The following DLG2 variants were observed in gnomAD, a reference collection of about 807,000 sequenced individuals.
DLG2 encodes the protein disks large homolog 2.
DLG2 carries 45 observed loss-of-function variants against 132.5 expected under a neutral mutation model. The observed-to-expected ratio is 0.34, with a 90% CI of 0.27 to 0.44. The LOEUF (loss-of-function observed/expected upper bound fraction) is 0.44. Among genes scored for constraint, DLG2 ranks in the 20% least tolerant of loss-of-function variants. The pLI is 1.00. For missense variants in DLG2, 1,045 were observed against 1,196.9 expected, an observed-to-expected ratio of 0.87 and a Z score of 1.87; for synonymous variants, 424 against 419.6, an observed-to-expected ratio of 1.01 and a Z score of -0.13.
rs10599798 is a variant in DLG2, at chr11:84,782,438, CCACACACACACACA to C, written c.358-247721_358-247708del. Among the ~76,000 whole-genome samples the C allele has an allele frequency of 2.3e-3, 337 of 148,044 alleles. 2 individuals are homozygous for C. Among genetic ancestry groups the C allele is most frequent in the Admixed American group, 0.021 (311 of 14,734 alleles). On this transcript the variant is annotated intron_variant, in intron 6 of 27. Transcript: ENST00000376104. ...TTCTCTTTCCCACTAACTACCCCTA[CCACACACACACACA>C]CACACACACACACATTAAAATGAGT...
intron 9 of DLG2, among the ~76,000 whole-genome samples, chr11:84,130,523 C>CGT (rs1566632971): frequency 2.9e-5 from 4 of 136,428 alleles, no homozygotes; most frequent in African/African-American, 1.2e-4. Flanking sequence ...CACACACACA[C>CGT]ATATATGTGT....
chr11:85,607,791 G>C (rs1591265745), intron 2 of DLG2, among the ~76,000 whole-genome samples: 1 of 152,166 alleles, frequency 6.6e-6, no homozygotes, highest in Admixed American at 6.5e-5. Context: ...TCATATAAGT[G>C]AAGATAAAAG....
chr11:85,118,070 G>A (rs1395041273), intron 5 of DLG2, among the ~76,000 whole-genome samples: 2 of 151,986 alleles, frequency 1.3e-5, no homozygotes, highest in Non-Finnish European at 1.5e-5. Context: ...TCAACTTTGG[G>A]CATATTCCTC....
chr11:83,582,370 T>C (rs2096995474), intron 19 of DLG2, among the ~76,000 whole-genome samples: 1 of 152,186 alleles, frequency 6.6e-6, no homozygotes, highest in African/African-American at 2.4e-5. Flanking sequence ...ACTCTAGACT[T>C]TTCCAATTCA....
At chr11:85,184,325 T>C (rs1458601362) in intron 4 of DLG2, among the ~76,000 whole-genome samples, 1 of 151,728 alleles carries the variant, frequency 6.6e-6, no homozygotes, top group Non-Finnish European at 1.5e-5. Flanking sequence ...ACAAGGGGAT[T>C]TTTTTTTATA....
intron 6 of DLG2, among the ~76,000 whole-genome samples, chr11:84,996,052 T>A (rs1421512245): frequency 6.6e-6 from 1 of 152,152 alleles, no homozygotes; most frequent in Non-Finnish European, 1.5e-5. Flanking sequence ...TGTTCCTTTG[T>A]GGACAATTTT....
chr11:84,811,258 G>T (rs1440795726), intron 6 of DLG2, among the ~76,000 whole-genome samples: 1 of 152,068 alleles, frequency 6.6e-6, no homozygotes, highest in East Asian at 1.9e-4. Flanking sequence ...GGTATATAAG[G>T]TATGCATGTG....
At chr11:84,332,130 C>G (rs1451323177) in intron 7 of DLG2, among the ~76,000 whole-genome samples, 1 of 151,922 alleles carries the variant, frequency 6.6e-6, no homozygotes, top group Non-Finnish European at 1.5e-5. Flanking sequence ...TAAAGAAAAG[C>G]TGAAAATCAA....
chr11:85,428,011 A>C (rs942438497), intron 3 of DLG2, among the ~76,000 whole-genome samples: 14 of 152,334 alleles, frequency 9.2e-5, no homozygotes, highest in African/African-American at 2.4e-4. Flanking sequence ...AAACCAACAA[A>C]GATCAAAAGA....
At chr11:85,463,381 A>C (rs1335842664) in intron 3 of DLG2, among the ~76,000 whole-genome samples, 1 of 152,236 alleles carries the variant, frequency 6.6e-6, no homozygotes, top group East Asian at 1.9e-4. Context: ...ATGTCTATGA[A>C]AACAGAAAGC....
chr11:85,393,770 A>T (rs576050681), intron 3 of DLG2, among the ~76,000 whole-genome samples: 3 of 152,190 alleles, frequency 2.0e-5, no homozygotes, highest in Non-Finnish European at 4.4e-5. Context: ...TGTGGATGGA[A>T]CTGGAAACCA....
At chr11:84,086,973 G>A (rs1052651363) in intron 10 of DLG2, among the ~76,000 whole-genome samples, 2 of 152,112 alleles carry the variant, frequency 1.3e-5, no homozygotes, top group Non-Finnish European at 2.9e-5. Flanking sequence ...TTTCATTAAT[G>A]TTGTGCCATC....
intron 6 of DLG2, among the ~76,000 whole-genome samples, chr11:84,603,934 T>C (rs992906753): frequency 9.2e-5 from 14 of 151,736 alleles, no homozygotes; most frequent in African/African-American, 3.4e-4. Flanking sequence ...CATGGAAAAA[T>C]GGCACCTATC....
intron 11 of DLG2, among the ~76,000 whole-genome samples, chr11:83,985,243 C>T (rs769526190): frequency 1.3e-5 from 2 of 152,124 alleles, no homozygotes; most frequent in African/African-American, 2.4e-5. Context: ...TCCCCCATCC[C>T]TGTTATTAAT....
At chr11:84,890,802 T>C (rs1357232506) in intron 6 of DLG2, 1 of 152,246 alleles carries the variant, frequency 6.6e-6, no homozygotes, top group African/African-American at 2.4e-5. Context: ...GTCAGGGATA[T>C]GTTTTACAGG....
chr11:84,341,552 A>G (rs759890784), intron 7 of DLG2, among the ~76,000 whole-genome samples: 1 of 152,180 alleles, frequency 6.6e-6, no homozygotes, highest in Non-Finnish European at 1.5e-5. Flanking sequence ...CTAGAGATAT[A>G]CCCAGGTTTT....
chr11:85,356,238 CT>C (rs1174320219), intron 3 of DLG2, among the ~76,000 whole-genome samples: 8 of 152,130 alleles, frequency 5.3e-5, no homozygotes, highest in Admixed American at 5.2e-4. Context: ...ATTCCATATT[CT>C]TTTTTTACTC....
At chr11:85,196,747 C>T (rs190821673) in intron 4 of DLG2, among the ~76,000 whole-genome samples, 182 of 152,248 alleles carry the variant, frequency 1.2e-3, no homozygotes, top group Non-Finnish European at 1.4e-3. Context: ...CATATATCCA[C>T]TTAGTATGGA....
At chr11:83,944,273 A>C (rs562950521) in intron 14 of DLG2, among the ~76,000 whole-genome samples, 3 of 152,308 alleles carry the variant, frequency 2.0e-5, no homozygotes, top group Admixed American at 1.3e-4. Context: ...ATCACCACTA[A>C]AGAATGTATT....
Sources: allele counts gnomAD v4.1 joint callset (sites outside exome capture counted in the v4.1 genomes callset), GRCh38; gene constraint gnomAD v4.1.1; transcripts MANE v1.5; gene names NCBI Gene and HGNC (gene_info 2026-07-23, HGNC 2026-07-21).